The following LRRTM4 variants were observed in gnomAD, a reference collection of about 807,000 sequenced individuals.
LRRTM4 encodes leucine-rich repeat transmembrane neuronal protein 4.
In LRRTM4, 25 loss-of-function variants were observed where a neutral mutation model predicts 47.6. The observed-to-expected ratio is 0.53, with a 90% CI of 0.38 to 0.73. The LOEUF is 0.73. Among genes scored for constraint, LRRTM4 ranks in the 30% least tolerant of loss-of-function variants. The pLI is 0.00. For missense variants in LRRTM4, 638 were observed against 713.4 expected (o/e 0.89, Z 1.20); for synonymous variants, 311 against 269.5 (o/e 1.15, Z -1.51).
At chr2:77,364,323 A>G (rs1672358161) in intron 3 of LRRTM4, among the ~76,000 whole-genome samples, 1 of 152,132 alleles carries the variant, frequency 6.6e-6, no homozygotes, top group Non-Finnish European at 1.5e-5. Context: ...GCTGTATATA[A>G]GGGCTGTATT....
At chr2:77,104,085 A>G (rs1196962346) in intron 3 of LRRTM4, among the ~76,000 whole-genome samples, 2 of 152,140 alleles carry the variant, frequency 1.3e-5, no homozygotes, top group Non-Finnish European at 2.9e-5. Context: ...CCTCCTATAG[A>G]CTTTCTCATC....
chr2:77,076,726 C>A (rs1220226969), intron 3 of LRRTM4, among the ~76,000 whole-genome samples: 1 of 152,056 alleles, frequency 6.6e-6, no homozygotes, highest in Non-Finnish European at 1.5e-5. Flanking sequence ...TTTATGTCCT[C>A]CATATTCTTT....
chr2:77,442,885 G>A (rs1348967297), intron 3 of LRRTM4, among the ~76,000 whole-genome samples: 2 of 152,144 alleles, frequency 1.3e-5, no homozygotes, highest in Admixed American at 6.6e-5. Flanking sequence ...CAATGGAGAG[G>A]ATATGGAAGA....
intron 3 of LRRTM4, among the ~76,000 whole-genome samples, chr2:77,232,732 C>G (rs1674999890): frequency 6.6e-6 from 1 of 152,076 alleles, no homozygotes; most frequent in South Asian, 2.1e-4. Flanking sequence ...ACAGTCAATA[C>G]TTATGGGTAA....
At chr2:77,497,666 T>A (rs1415425424) in intron 3 of LRRTM4, among the ~76,000 whole-genome samples, 1 of 150,984 alleles carries the variant, frequency 6.6e-6, no homozygotes, top group Admixed American at 6.7e-5. Flanking sequence ...TATATCTGTG[T>A]ATATATGGAT....
chr2:77,176,784 G>A (rs1673208457), intron 3 of LRRTM4, among the ~76,000 whole-genome samples: 1 of 152,112 alleles, frequency 6.6e-6, no homozygotes, highest in Non-Finnish European at 1.5e-5. Flanking sequence ...AATCTGGCAG[G>A]ACTTGTTTTA....
In LRRTM4 at chr2:77,083,783, C is replaced by CTTTTTTTTTTTTTTTTT. The variant is rs386390525; in HGVS notation, c.1552-334884_1552-334868dup. Among the ~76,000 whole-genome samples, 45 of 52,402 alleles carry CTTTTTTTTTTTTTTTTT rather than the reference C, an allele frequency of 8.6e-4. 13 individuals carry two copies. The highest frequency in any genetic ancestry group is 1.4e-3 in the Non-Finnish European group (33 of 23,548). The allele number at this position is 52,402 out of a possible 152,430, so 34.4% of individuals were successfully genotyped here. A position where few individuals can be genotyped will look rare whatever the true frequency, so the allele number is the denominator to read the frequency against. ...ACTTCTCAATTTTTAACTGGACACACTTTTTTTTTTTTTTTTTTTTTTTTT... is the reference window on the plus strand; with the variant it reads ...ACTTCTCAATTTTTAACTGGACACACTTTTTTTTTTTTTTTTTTTTTTTTTTTTTTTTTTTTTTTTTT... On this transcript the variant is annotated intron_variant, in intron 3 of 3. Transcript: ENST00000409884.
intron 3 of LRRTM4, among the ~76,000 whole-genome samples, chr2:77,503,020 G>T (rs1445831219): frequency 6.7e-6 from 1 of 149,538 alleles, no homozygotes; most frequent in Non-Finnish European, 1.5e-5. Flanking sequence ...GAAAATCTGT[G>T]AAGGCAGGGC....
intron 3 of LRRTM4, among the ~76,000 whole-genome samples, chr2:77,438,382 C>T (rs929022041): frequency 2.7e-5 from 4 of 146,344 alleles, no homozygotes; most frequent in South Asian, 4.3e-4. Flanking sequence ...TTTTCGCTCT[C>T]GATCATGATA....
chr2:77,428,952 G>T (rs529113817), intron 3 of LRRTM4, among the ~76,000 whole-genome samples: 1 of 152,154 alleles, frequency 6.6e-6, no homozygotes, highest in Non-Finnish European at 1.5e-5. Context: ...GACACAATTA[G>T]AAGAAAAAGA....
rs73940285 is a variant in LRRTM4, at chr2:77,069,923, G to C, written c.1552-321007C>G. On this transcript the variant is annotated intron_variant, in intron 3 of 3. Coordinates refer to ENST00000409884, the MANE Select transcript of LRRTM4 (RefSeq NM_001134745.3). ...GGCAGCTGCAAAGTTGAAAACACTT[G>C]CCTGTAAAACATATTTCAGAAATAC... is the stretch of plus-strand genomic sequence containing the variant. 7.2e-3 allele frequency among the ~76,000 whole-genome samples: 1,098 copies of C among 152,206 alleles called. 12 individuals carry two copies. The highest frequency in any genetic ancestry group is 0.022 in the African/African-American group (910 of 41,526).
At chr2:77,260,098 A>G (rs1345726036) in intron 3 of LRRTM4, among the ~76,000 whole-genome samples, 2 of 152,072 alleles carry the variant, frequency 1.3e-5, no homozygotes, top group Non-Finnish European at 2.9e-5. Flanking sequence ...AGCAAGATAC[A>G]ATTCTGTGTT....
intron 3 of LRRTM4, among the ~76,000 whole-genome samples, chr2:77,226,787 A>G (rs941799573): frequency 2.6e-5 from 4 of 151,948 alleles, no homozygotes; most frequent in African/African-American, 9.7e-5. Context: ...GTAGTGGGGT[A>G]GCCTATTCTG....
chr2:77,351,963 C>T (rs1671798026), intron 3 of LRRTM4, among the ~76,000 whole-genome samples: 1 of 151,962 alleles, frequency 6.6e-6, no homozygotes, highest in South Asian at 2.1e-4. Context: ...TCATTTTGTA[C>T]AACTTTATTA....
chr2:77,343,782 C>T (rs998315410), intron 3 of LRRTM4, among the ~76,000 whole-genome samples: 6 of 151,614 alleles, frequency 4.0e-5, no homozygotes, highest in African/African-American at 1.5e-4. Context: ...GTAGTTTGTG[C>T]TATAAGGTAA....
chr2:77,338,841 A>T (rs1177126454), intron 3 of LRRTM4, among the ~76,000 whole-genome samples: 1 of 152,094 alleles, frequency 6.6e-6, no homozygotes, highest in African/African-American at 2.4e-5. Context: ...AAAGCCAAGG[A>T]ATCAACCTAA....
At chr2:77,353,532 T>G (rs1380988502) in intron 3 of LRRTM4, among the ~76,000 whole-genome samples, 4 of 152,124 alleles carry the variant, frequency 2.6e-5, no homozygotes, top group Non-Finnish European at 5.9e-5. Flanking sequence ...AAAACTGTAA[T>G]GAACATCCTT....
chr2:76,901,037 T>C (rs1478744997), intron 3 of LRRTM4, among the ~76,000 whole-genome samples: 1 of 152,188 alleles, frequency 6.6e-6, no homozygotes, highest in Non-Finnish European at 1.5e-5. Context: ...AAAAATTGTT[T>C]TTTTAATTTG....
chr2:77,013,957 A>G (rs929689311), intron 3 of LRRTM4, among the ~76,000 whole-genome samples: 6 of 152,182 alleles, frequency 3.9e-5, no homozygotes, highest in African/African-American at 9.6e-5. Context: ...GAGTTTGACA[A>G]TAAGATTAGG....
Sources: allele counts gnomAD v4.1 joint callset (sites outside exome capture counted in the v4.1 genomes callset), GRCh38; gene constraint gnomAD v4.1.1; transcripts MANE v1.5; gene names NCBI Gene and HGNC (gene_info 2026-07-23, HGNC 2026-07-21).